Variants in FCHSD2 observed in about 807,000 individuals in gnomAD.
The protein encoded by FCHSD2 is FCH and double SH3 domains 2, also known as F-BAR and double SH3 domains protein 2.
A neutral mutation model predicts 108.1 loss-of-function variants in FCHSD2; 38 were observed. That is an observed-to-expected ratio of 0.35 (90% CI 0.27 to 0.46). The LOEUF (loss-of-function observed/expected upper bound fraction) is 0.46, where lower values mean the gene tolerates loss of function less well. FCHSD2 is among the 20% of genes least tolerant of loss of function. FCHSD2 has a pLI of 1.00. For missense variants in FCHSD2, 751 were observed against 897.8 expected (o/e 0.84, Z 2.09); for synonymous variants, 279 against 314.7 (o/e 0.89, Z 1.20).
At chr11:72,957,661 T>C (rs1856741014) in intron 8 of FCHSD2, among the ~76,000 whole-genome samples, 1 of 151,926 alleles carries the variant, frequency 6.6e-6, no homozygotes, top group Non-Finnish European at 1.5e-5. Flanking sequence ...TAGTATCTGC[T>C]GATGTTGATT....
At chr11:73,002,987 A>G (rs377029329) in intron 4 of FCHSD2, among the ~76,000 whole-genome samples, 8 of 152,356 alleles carry the variant, frequency 5.3e-5, no homozygotes, top group African/African-American at 1.9e-4. Context: ...ACAATAATAT[A>G]TGTTGAAGGA....
intron 3 of FCHSD2, among the ~76,000 whole-genome samples, chr11:73,063,497 T>C (rs1010508015): frequency 9.9e-5 from 15 of 152,126 alleles, no homozygotes; most frequent in Admixed American, 3.9e-4. Context: ...GACTGGCAAA[T>C]TGGATAAAGA....
At chr11:73,030,653 A>G (rs1358812381) in intron 3 of FCHSD2, among the ~76,000 whole-genome samples, 4 of 152,200 alleles carry the variant, frequency 2.6e-5, no homozygotes, top group Non-Finnish European at 5.9e-5. Flanking sequence ...CAATCCACAA[A>G]ACCAACAAAG....
chr11:72,911,525 G>A (rs570205072), intron 9 of FCHSD2, among the ~76,000 whole-genome samples: 2 of 152,254 alleles, frequency 1.3e-5, no homozygotes, highest in Admixed American at 1.3e-4. Context: ...TGTGAAGAAT[G>A]GCACTGGTAT....
At chr11:73,059,104 G>A (rs902403382) in intron 3 of FCHSD2, among the ~76,000 whole-genome samples, 16 of 152,270 alleles carry the variant, frequency 1.1e-4, no homozygotes, top group African/African-American at 3.9e-4. Context: ...ACAAGAAAAT[G>A]AGACTACTTT....
chr11:72,914,843 G>A (rs1448927315), intron 9 of FCHSD2, among the ~76,000 whole-genome samples: 1 of 151,940 alleles, frequency 6.6e-6, no homozygotes, highest in Non-Finnish European at 1.5e-5. Context: ...TCATGATGAA[G>A]ATGCCAAAAG....
intron 4 of FCHSD2, among the ~76,000 whole-genome samples, chr11:73,003,499 T>C (rs918302589): frequency 1.3e-5 from 2 of 151,422 alleles, no homozygotes; most frequent in Admixed American, 1.3e-4. Flanking sequence ...TTTTTTTTTT[T>C]TTTTTGAGAC....
chr11:72,959,482 G>A (rs892778684), intron 8 of FCHSD2, among the ~76,000 whole-genome samples: 4 of 143,550 alleles, frequency 2.8e-5, no homozygotes, highest in South Asian at 2.2e-4. Context: ...TGATCCGCCC[G>A]CCTCGGCCTC....
chr11:72,986,443 T>G lies in FCHSD2; in HGVS notation c.522-1327A>C, dbSNP rs147756694. Among the ~76,000 whole-genome samples the G allele has an allele frequency of 5.4e-3, 822 of 152,260 alleles. 10 individuals are homozygous for G. The highest frequency in any genetic ancestry group is 0.019 in the African/African-American group (775 of 41,552). ...CCAGGATGGTCTCAATCTCCTGACC[T>G]TGTAATCCACCCGCCTCGGCCTCCC... On this transcript the variant is annotated intron_variant, in intron 6 of 19. Transcript: ENST00000409418.
At chr11:72,879,568 A>C (rs1005161743) in intron 12 of FCHSD2, among the ~76,000 whole-genome samples, 6 of 152,224 alleles carry the variant, frequency 3.9e-5, no homozygotes, top group African/African-American at 9.6e-5. Flanking sequence ...ACTAGAAGAT[A>C]AAAGAAGAAC....
At chr11:73,019,671 C>A (rs985032589) in intron 3 of FCHSD2, among the ~76,000 whole-genome samples, 7 of 152,148 alleles carry the variant, frequency 4.6e-5, no homozygotes, top group African/African-American at 1.7e-4. Flanking sequence ...TCTGTGTACT[C>A]CATGCAGCTG....
intron 8 of FCHSD2, among the ~76,000 whole-genome samples, chr11:72,970,307 C>T (rs1157635322): frequency 6.6e-6 from 1 of 152,162 alleles, no homozygotes; most frequent in Non-Finnish European, 1.5e-5. Flanking sequence ...CAAAACCTAA[C>T]AGTCTACAAT....
At chr11:73,010,462 T>C (rs1857838391) in intron 4 of FCHSD2, among the ~76,000 whole-genome samples, 1 of 152,250 alleles carries the variant, frequency 6.6e-6, no homozygotes, top group Non-Finnish European at 1.5e-5. Flanking sequence ...TATATTTCCT[T>C]GCTTTTTCAT....
At chr11:73,034,415 A>G (rs1858438775) in intron 3 of FCHSD2, among the ~76,000 whole-genome samples, 1 of 152,256 alleles carries the variant, frequency 6.6e-6, no homozygotes, top group Non-Finnish European at 1.5e-5. Flanking sequence ...CCTCTTCCTG[A>G]AAGAAGCAAT....
chr11:73,044,362 G>A (rs1188035239), intron 3 of FCHSD2, among the ~76,000 whole-genome samples: 1 of 152,110 alleles, frequency 6.6e-6, no homozygotes, highest in Non-Finnish European at 1.5e-5. Context: ...AGTATCGCTT[G>A]AGCCCAGGAG....
intron 2 of FCHSD2, among the ~76,000 whole-genome samples, chr11:73,095,066 G>A (rs1025550689): frequency 2.0e-5 from 3 of 152,128 alleles, no homozygotes; most frequent in African/African-American, 7.2e-5. Flanking sequence ...GGATTCATTT[G>A]AATACAGTAT....
intron 8 of FCHSD2, among the ~76,000 whole-genome samples, chr11:72,934,503 GTATT>G (rs1447753258): frequency 6.6e-6 from 1 of 151,832 alleles, no homozygotes; most frequent in East Asian, 1.9e-4. Flanking sequence ...GGTAATTTTT[GTATT>G]TATTAAAGTA....
intron 10 of FCHSD2, chr11:72,900,240 A>G: frequency 3.8e-6 from 2 of 527,556 alleles, no homozygotes; most frequent in Non-Finnish European, 3.6e-6. Flanking sequence ...CCCGCCCTTG[A>G]CCCACACCCC....
intron 8 of FCHSD2, among the ~76,000 whole-genome samples, chr11:72,971,489 T>C (rs57489704): frequency 3.9e-4 from 60 of 152,262 alleles, no homozygotes; most frequent in African/African-American, 1.4e-3. Context: ...TTTCTCTAGC[T>C]AGTAGCAAAA....
Sources: gnomAD v4.1 joint callset for allele counts (sites outside exome capture counted in the v4.1 genomes callset) on GRCh38, gnomAD v4.1.1 for gene constraint, MANE v1.5 for transcripts, NCBI Gene and HGNC (gene_info 2026-07-23, HGNC 2026-07-21) for gene names.